Variants in PIGN observed in about 807,000 individuals in gnomAD.
PIGN encodes phosphatidylinositol glycan anchor biosynthesis class N, also known as GPI ethanolamine phosphate transferase 1.
Under a neutral mutation model 125.4 loss-of-function variants are expected in PIGN, and 117 were observed. The observed-to-expected ratio is 0.93, with a 90% CI of 0.80 to 1.09. The LOEUF is 1.09. Among genes scored for constraint, PIGN ranks in the 50% least tolerant of loss-of-function variants. The probability of loss-of-function intolerance (pLI) is 0.00; values close to 1 mark genes in which losing one functional copy is unlikely to be tolerated. For missense variants in PIGN, 1,075 were observed against 1,094.9 expected (o/e 0.98, Z 0.26); for synonymous variants, 392 against 377.8 (o/e 1.04, Z -0.44).
intron 29 of PIGN, among the ~76,000 whole-genome samples, 172 bp from the exon 30 acceptor site, chr18:62,072,897 A>T (rs2032966899): frequency 6.6e-6 from 1 of 152,222 alleles, no homozygotes; most frequent in East Asian, 1.9e-4. Context: ...TAGAATTAGC[A>T]GTAGTCTAAA....
At chr18:62,180,126 C>T (rs975999448) in intron 1 of PIGN, among the ~76,000 whole-genome samples, 7 of 152,184 alleles carry the variant, frequency 4.6e-5, no homozygotes, top group South Asian at 2.1e-4. Flanking sequence ...TGACCCATAA[C>T]AAAATAATTT....
chr18:62,173,081 A>C (rs1212438300), intron 1 of PIGN, among the ~76,000 whole-genome samples: 1 of 152,226 alleles, frequency 6.6e-6, no homozygotes, highest in African/African-American at 2.4e-5. Context: ...AAGCAATAGA[A>C]GAGACAAAGA....
chr18:62,053,639 TAGACTTCAGAGCAAAC>T (rs2031494695), intron 30 of PIGN, among the ~76,000 whole-genome samples: 1 of 152,106 alleles, frequency 6.6e-6, no homozygotes, highest in African/African-American at 2.4e-5. Context: ...TCAGATAAAA[TAGACTTCAGAGCAAAC>T]AGACTTCAGA....
At position 62,146,932 on chromosome 18, in the gene PIGN, T is replaced by A; in HGVS notation, c.805+39A>T. Reference sequence around the variant, plus strand: ...ATTTACCAGCTACATTTATCACTACTTTAATTGTAAGGTACATATCAATTA... The same window carrying A: ...ATTTACCAGCTACATTTATCACTACATTAATTGTAAGGTACATATCAATTA... On this transcript the variant is annotated intron_variant, in intron 9 of 30. Transcript: ENST00000640252. The A allele has an allele frequency of 1.9e-6, 3 of 1,593,032 alleles. No homozygotes were observed. The South Asian group carries it at 3.4e-5, about 18-fold the overall frequency.
chr18:62,130,383 T>A (rs551135255), intron 14 of PIGN, among the ~76,000 whole-genome samples: 1 of 152,324 alleles, frequency 6.6e-6, no homozygotes, highest in Non-Finnish European at 1.5e-5. Flanking sequence ...GTTACAGATA[T>A]GGATAAACTA....
In PIGN at chr18:62,042,324, A is replaced by C. The variant is rs1217205840; in HGVS notation, c.*3532T>G. The C allele has an allele frequency of 6.6e-6, 1 of 152,210 alleles. No homozygotes were observed. The highest frequency in any genetic ancestry group is 1.5e-5 in the Non-Finnish European group (1 of 68,046). The allele number at this position is 152,210 out of a possible 1,614,324, so 9.4% of individuals were successfully genotyped here. ...CGAGAGAGCCAGAGTCTGTCTTGAA[A>C]AAAAAAGAAAGAAAGAAAAAAGAAA... is the stretch of plus-strand genomic sequence containing the variant. On this transcript the variant is annotated 3_prime_UTR_variant, in exon 31 of 31. Coordinates refer to ENST00000640252, the MANE Select transcript of PIGN (RefSeq NM_176787.5).
intron 23 of PIGN, among the ~76,000 whole-genome samples, chr18:62,023,617 A>C (rs2030080494): frequency 1.3e-5 from 2 of 152,222 alleles, no homozygotes; most frequent in South Asian, 4.1e-4. Flanking sequence ...CTCAATTTAC[A>C]TTTGATTCAA....
chr18:62,060,304 T>A (rs2145387482), intron 30 of PIGN, among the ~76,000 whole-genome samples: 1 of 152,302 alleles, frequency 6.6e-6, no homozygotes, highest in Middle Eastern at 3.4e-3. Flanking sequence ...GGTGTGCATG[T>A]GTGATGGTCG....
In PIGN at chr18:62,095,867, A is replaced by G. The variant is rs777821962; in HGVS notation, c.2161T>C (p.Tyr721His). 3.1e-6 allele frequency: 5 copies of G among 1,606,844 alleles called. No individual in the cohort carries two copies. The highest frequency in any genetic ancestry group is 4.3e-6 in the Non-Finnish European group (5 of 1,173,606). Residue 721 changes from tyrosine (Y) to histidine (H), a missense_variant, in exon 23 of 31, where the codon TAC (tyrosine) becomes CAC (histidine). Physicochemically the swap from Tyr to His is moderately conservative, Grantham distance 83. Around this residue, in one of 3 missense-constraint regions of PIGN, gnomAD observed 915 missense variants for 908.7 expected, o/e 1.01. Transcript: ENST00000640252. ...TTATACCCTGTGCTTAGAAGTAGGT[A>G]GGTTGACATCAATGAAAGAAGTATG... ...FSILLSLMST[Y>H]LLLSTGYEAL...
intron 29 of PIGN, 72 bp from the exon 30 acceptor site, chr18:62,072,797 G>A: frequency 1.7e-6 from 2 of 1,143,828 alleles, no homozygotes; most frequent in South Asian, 1.5e-5. Context: ...AGCTATTTTA[G>A]GACTGTATGT....
chr18:62,069,164 G>A (rs1157709607), intron 30 of PIGN, among the ~76,000 whole-genome samples: 1 of 151,826 alleles, frequency 6.6e-6, no homozygotes, highest in Non-Finnish European at 1.5e-5. Context: ...GTTATTACTG[G>A]TAATAAGAGT....
intron 20 of PIGN, among the ~76,000 whole-genome samples, chr18:62,104,531 A>G (rs1599529044): frequency 6.6e-6 from 1 of 152,164 alleles, no homozygotes; most frequent in Non-Finnish European, 1.5e-5. Context: ...ACACTCTAAT[A>G]AAGTATGGCT....
At chr18:62,166,699 T>A (rs576909169) in intron 1 of PIGN, among the ~76,000 whole-genome samples, 55 of 152,288 alleles carry the variant, frequency 3.6e-4, no homozygotes, top group African/African-American at 1.3e-3. Flanking sequence ...GTGGCATATA[T>A]ACACCATGGA....
chr18:62,033,915 G>A (rs1201636609), intron 23 of PIGN, among the ~76,000 whole-genome samples: 1 of 152,146 alleles, frequency 6.6e-6, no homozygotes, highest in East Asian at 1.9e-4. Context: ...CATGTCATGG[G>A]GCAGGCAGTA....
intron 1 of PIGN, among the ~76,000 whole-genome samples, chr18:62,173,841 T>C (rs2037422104): frequency 6.6e-6 from 1 of 152,170 alleles, no homozygotes; most frequent in Admixed American, 6.5e-5. Context: ...TCTCCCTTCA[T>C]CCTTTCCAAT....
chr18:62,057,881 T>C (rs187916367), intron 30 of PIGN, among the ~76,000 whole-genome samples: 3 of 152,246 alleles, frequency 2.0e-5, no homozygotes, highest in African/African-American at 4.8e-5. Context: ...AGGGAAAAGA[T>C]ACTTTGCTTA....
intron 1 of PIGN, among the ~76,000 whole-genome samples, chr18:62,164,337 A>G (rs2037056958): frequency 1.3e-5 from 2 of 152,240 alleles, no homozygotes; most frequent in African/African-American, 2.4e-5. Context: ...CCATTTTCAC[A>G]TTGCTACGAA....
downstream of PIGN, among the ~76,000 whole-genome samples, chr18:62,038,518 A>G (rs1413334835): frequency 6.6e-6 from 1 of 152,210 alleles, no homozygotes; most frequent in Non-Finnish European, 1.5e-5. Context: ...GAGAAGGGTC[A>G]TAAAAAATTT....
At chr18:62,135,490 CAAAATAGGGGAAGT>C (rs1330409607) in intron 14 of PIGN, among the ~76,000 whole-genome samples, 8 of 151,918 alleles carry the variant, frequency 5.3e-5, no homozygotes. Context: ...CACTGAACAT[CAAAATAGGGGAAGT>C]CTATGATCAG....
Sources: allele counts gnomAD v4.1 joint callset (sites outside exome capture counted in the v4.1 genomes callset), GRCh38; gene constraint gnomAD v4.1.1; regional missense constraint gnomAD v4.1.1; transcripts MANE v1.5; gene names NCBI Gene and HGNC (gene_info 2026-07-23, HGNC 2026-07-21).